Variants in CALN1 observed in about 807,000 individuals in gnomAD.
CALN1 encodes the protein calneuron 1, also known as calcium-binding protein 8.
Under a neutral mutation model 30.6 loss-of-function variants are expected in CALN1, and 17 were observed. The ratio of observed to expected loss-of-function variants is 0.56; its 90% confidence interval spans 0.38 to 0.83. The LOEUF (loss-of-function observed/expected upper bound fraction) is 0.83, where lower values mean the gene tolerates loss of function less well. CALN1 is among the 40% of genes least tolerant of loss of function. CALN1 has a pLI of 0.00. For missense variants in CALN1, 291 were observed against 354.9 expected (o/e 0.82, Z 1.45); for synonymous variants, 156 against 131.4 (o/e 1.19, Z -1.28).
chr7:72,198,462 A>G (rs1331584073), intron 3 of CALN1, among the ~76,000 whole-genome samples: 1 of 152,066 alleles, frequency 6.6e-6, no homozygotes, highest in Non-Finnish European at 1.5e-5. Flanking sequence ...ATCATGTGCA[A>G]TTTTTCAAGT....
intron 5 of CALN1, among the ~76,000 whole-genome samples, chr7:71,981,912 A>G (rs935881904): frequency 4.6e-5 from 7 of 152,208 alleles, no homozygotes; most frequent in African/African-American, 1.7e-4. Context: ...AGAGTCGAGG[A>G]AAAACACAGC....
intron 3 of CALN1, among the ~76,000 whole-genome samples, chr7:72,147,544 T>G (rs182053780): frequency 6.6e-5 from 10 of 150,652 alleles, no homozygotes; most frequent in Admixed American, 6.0e-4. Flanking sequence ...GTGTTGCGAT[T>G]CCTCAGGGAT....
At chr7:72,482,273 T>C in the CALN1 span, among the ~76,000 whole-genome samples, 2 of 152,202 alleles carry the variant, frequency 1.3e-5, no homozygotes, top group African/African-American at 4.8e-5. Flanking sequence ...CTGATTCTTA[T>C]AGGCAATATA....
chr7:72,126,580 A>G (rs1441500541), intron 3 of CALN1, among the ~76,000 whole-genome samples: 1 of 152,134 alleles, frequency 6.6e-6, no homozygotes, highest in Non-Finnish European at 1.5e-5. Flanking sequence ...CACTGTACCC[A>G]GTTTGTAGTC....
chr7:72,041,884 G>A (rs959612520), intron 4 of CALN1, among the ~76,000 whole-genome samples: 14 of 152,282 alleles, frequency 9.2e-5, no homozygotes, highest in South Asian at 2.1e-4. Context: ...CATGTAAGAC[G>A]TGGCTTTGCT....
chr7:72,178,508 TG>T (rs1562694985), intron 3 of CALN1, among the ~76,000 whole-genome samples: 1 of 152,062 alleles, frequency 6.6e-6, no homozygotes, highest in Non-Finnish European at 1.5e-5. Flanking sequence ...CTGACCAACA[TG>T]GTGAAACCCT....
chr7:72,346,139 T>C (rs893728179), intron 2 of CALN1, among the ~76,000 whole-genome samples: 4 of 152,230 alleles, frequency 2.6e-5, no homozygotes, highest in African/African-American at 9.6e-5. Flanking sequence ...AATTTAACTT[T>C]TACTTTTTAT....
chr7:72,180,607 C>CTTT (rs150600925), intron 3 of CALN1, among the ~76,000 whole-genome samples: 13 of 90,000 alleles, frequency 1.4e-4, no homozygotes, highest in Non-Finnish European at 2.0e-4. Flanking sequence ...GCTTTTTTTT[C>CTTT]TTTTTTTTTT....
intron 5 of CALN1, among the ~76,000 whole-genome samples, chr7:71,933,984 A>G (rs1291759244): frequency 1.3e-5 from 2 of 152,222 alleles, no homozygotes; most frequent in South Asian, 2.1e-4. Flanking sequence ...CAAAGGAAGC[A>G]GCTTCAGTCG....
intron 5 of CALN1, among the ~76,000 whole-genome samples, chr7:71,859,115 T>C (rs893609802): frequency 6.6e-6 from 1 of 152,168 alleles, no homozygotes; most frequent in African/African-American, 2.4e-5. Flanking sequence ...CAAGCTGGAG[T>C]GCAGCGGCAT....
intron 2 of CALN1, among the ~76,000 whole-genome samples, chr7:72,323,489 G>A (rs763871446): frequency 9.2e-5 from 14 of 151,746 alleles, no homozygotes; most frequent in East Asian, 1.9e-4. Context: ...GTGAAATCCC[G>A]CCTCTACTAA....
intron 6 of CALN1, among the ~76,000 whole-genome samples, chr7:71,798,117 C>CAGAGAG (rs1787056838): frequency 1.4e-4 from 9 of 62,314 alleles, no homozygotes; most frequent in Non-Finnish European, 2.5e-4. Context: ...GAGACAGAGA[C>CAGAGAG]AGAGACAGAG....
At chr7:71,895,706 T>TA (rs1793498055) in intron 5 of CALN1, among the ~76,000 whole-genome samples, 3 of 152,322 alleles carry the variant, frequency 2.0e-5, no homozygotes, top group Middle Eastern at 6.8e-3. Context: ...AATGACCGTT[T>TA]AAGGAAGAAA....
At chr7:72,460,277 TG>T in the CALN1 span, among the ~76,000 whole-genome samples, 1 of 152,118 alleles carries the variant, frequency 6.6e-6, no homozygotes, top group East Asian at 1.9e-4. Flanking sequence ...ATCCAAACGA[TG>T]TCACTTATGA....
intron 5 of CALN1, among the ~76,000 whole-genome samples, chr7:71,889,446 C>T (rs1029871087): frequency 6.6e-6 from 1 of 152,152 alleles, no homozygotes; most frequent in Non-Finnish European, 1.5e-5. Flanking sequence ...AACACATGCT[C>T]ACAGTAGCTT....
At chr7:72,209,361 T>C (rs139535276) in intron 3 of CALN1, among the ~76,000 whole-genome samples, 1,004 of 4,046 alleles carry the variant, frequency 0.25, 22 homozygotes, top group Non-Finnish European at 0.27. Context: ...TCCTTCCCTC[T>C]TTCCTTCCCT....
At chr7:72,098,989 T>C (rs1460894686) in intron 4 of CALN1, among the ~76,000 whole-genome samples, 1 of 152,172 alleles carries the variant, frequency 6.6e-6, no homozygotes, top group Non-Finnish European at 1.5e-5. Flanking sequence ...CCGCTCCCAG[T>C]GAGCCACCTA....
rs561605003 is a variant in CALN1 at position 72,361,313 on chromosome 7, G to A, written c.119+41938C>T. Among the ~76,000 whole-genome samples the A allele has an allele frequency of 4.6e-5, 7 of 152,142 alleles. No homozygotes were observed. The South Asian group carries it at 1.5e-3, about 32-fold the overall frequency. On this transcript the variant is annotated intron_variant, in intron 2 of 6. Transcript: ENST00000395275. ...AAGTATTTTGAATACCACCTACTAT[G>A]AAATCCATTAATAAGTAAAATTGAT...
chr7:72,100,821 C>CAA (rs35514026), intron 4 of CALN1, among the ~76,000 whole-genome samples: 6,538 of 72,938 alleles, frequency 0.09, 607 homozygotes, highest in East Asian at 0.17. Flanking sequence ...CTCCGTCTCA[C>CAA]AAAAAAAAAA....
Sources: gnomAD v4.1 joint callset for allele counts (sites outside exome capture counted in the v4.1 genomes callset) on GRCh38, gnomAD v4.1.1 for gene constraint, MANE v1.5 for transcripts, NCBI Gene and HGNC (gene_info 2026-07-23, HGNC 2026-07-21) for gene names.